Variants in IYD observed in about 807,000 individuals in gnomAD.
IYD encodes iodotyrosine deiodinase 1.
IYD carries 25 observed loss-of-function variants against 28.4 expected under a neutral mutation model. The observed-to-expected ratio is 0.88, with a 90% CI of 0.64 to 1.23. The LOEUF (loss-of-function observed/expected upper bound fraction) is 1.23, where lower values mean the gene tolerates loss of function less well. Ranked by LOEUF, IYD falls within the 50% of genes most tolerant of loss-of-function variation. IYD has a pLI of 0.00. For missense variants in IYD, 352 were observed against 357.9 expected (o/e 0.98, Z 0.13); for synonymous variants, 140 against 130.8 (o/e 1.07, Z -0.48).
chr6:150,377,633 A>T (rs1236357200), intron 1 of IYD, among the ~76,000 whole-genome samples: 3 of 151,982 alleles, frequency 2.0e-5, no homozygotes, highest in Admixed American at 6.6e-5. Context: ...TCTGCCTTGG[A>T]CTCTAGAAGC....
intron 1 of IYD, among the ~76,000 whole-genome samples, chr6:150,378,703 C>T (rs1777540388): frequency 6.6e-6 from 1 of 152,178 alleles, no homozygotes; most frequent in Non-Finnish European, 1.5e-5. Context: ...GGACTGTAAA[C>T]TAGTTCAACC....
At chr6:150,391,203 C>T (rs1022978601) in intron 2 of IYD, among the ~76,000 whole-genome samples, 2 of 148,792 alleles carry the variant, frequency 1.3e-5, no homozygotes, top group Non-Finnish European at 3.0e-5. Context: ...TGACACTGCA[C>T]TCCAGCCTGG....
rs78314112 is a variant in IYD, at chr6:150,388,634, T to G, written c.179-718T>G. On this transcript the variant is annotated intron_variant, in intron 1 of 4. Coordinates refer to ENST00000344419, the MANE Select transcript of IYD (RefSeq NM_203395.3). The stretch of plus-strand genomic sequence containing the variant: ...GATTTATAGTCTGGAGTTTTTGCTT[T>G]CTTTCTTTCTTTCTTTCTTTCTTTC... Among the ~76,000 whole-genome samples, 428 of 43,046 alleles carry G rather than the reference T, an allele frequency of 9.9e-3. 5 individuals carry two copies. The highest frequency in any genetic ancestry group is 0.023 in the African/African-American group (390 of 16,624). 28.2% of individuals were successfully genotyped at this position (43,046 alleles called of 152,430 possible).
intron 1 of IYD, chr6:150,370,619 C>T (rs1049186130): frequency 7.1e-6 from 7 of 985,244 alleles, no homozygotes; most frequent in Admixed American, 1.2e-4. Flanking sequence ...TTCTACCCAG[C>T]GGAGAAGCAC....
In IYD at chr6:150,395,752, G is replaced by T. The variant is rs3823259; in HGVS notation, c.687+1497G>T. On this transcript the variant is annotated intron_variant, in intron 4 of 4. Coordinates refer to ENST00000344419, the MANE Select transcript of IYD (RefSeq NM_203395.3). ...GCGCCATGCATGTCTTGTAGAGGCAGCTTCCAGAACTTCCTGGTCAGGTTT... is the reference window on the plus strand; with the variant it reads ...GCGCCATGCATGTCTTGTAGAGGCATCTTCCAGAACTTCCTGGTCAGGTTT... The T allele has an allele frequency of 0.11, 72,977 of 685,884 alleles. 9,361 individuals carry two copies. The highest frequency in any genetic ancestry group is 0.43 in the African/African-American group (24,245 of 56,716). 42.5% of individuals were successfully genotyped at this position (685,884 alleles called of 1,614,324 possible). A position where few individuals can be genotyped will look rare whatever the true frequency, so the allele number is the denominator to read the frequency against.
intron 1 of IYD, among the ~76,000 whole-genome samples, chr6:150,373,259 A>G (rs1777336117): frequency 6.6e-6 from 1 of 152,250 alleles, no homozygotes; most frequent in Non-Finnish European, 1.5e-5. Context: ...CTTGAGAAAC[A>G]GATTGTTATG....
At chr6:150,393,000 C>T (rs905906725) in intron 3 of IYD, among the ~76,000 whole-genome samples, 3 of 151,904 alleles carry the variant, frequency 2.0e-5, no homozygotes, top group Non-Finnish European at 4.4e-5. Context: ...GGGTCTGCTC[C>T]GGGCGCCGAA....
intron 1 of IYD, among the ~76,000 whole-genome samples, chr6:150,372,329 G>C (rs1358232492): frequency 7.6e-6 from 1 of 132,420 alleles, no homozygotes; most frequent in Non-Finnish European, 1.6e-5. Flanking sequence ...GGGTGGGGTG[G>C]GGGGTGGTGA....
In IYD at chr6:150,404,152, T is replaced by C. The variant is rs571386986; in HGVS notation, c.*5915T>C. The C allele has an allele frequency of 2.6e-5, 4 of 152,334 alleles. No individual in the cohort carries two copies. Among genetic ancestry groups the C allele is most frequent in the African/African-American group, 9.6e-5 (4 of 41,578 alleles). The allele number at this position is 152,334 out of a possible 1,614,324, so 9.4% of individuals were successfully genotyped here. A position where few individuals can be genotyped will look rare whatever the true frequency, so the allele number is the denominator to read the frequency against. ...TGAGTTGTCCACCATATTGTGGGCATGAGTCCTTGACAATAGTAAATAGCA... is the reference window on the plus strand; with the variant it reads ...TGAGTTGTCCACCATATTGTGGGCACGAGTCCTTGACAATAGTAAATAGCA... On this transcript the variant is annotated 3_prime_UTR_variant, in exon 5 of 5. Transcript: ENST00000344419.
intron 1 of IYD, among the ~76,000 whole-genome samples, chr6:150,388,679 C>T (rs1209772664): frequency 1.6e-5 from 2 of 123,112 alleles, no homozygotes; most frequent in African/African-American, 6.0e-5. Context: ...TTCTTTCTTT[C>T]TTTCTTCTTT....
chr6:150,398,280 T>A lies in IYD; in HGVS notation c.*43T>A. 6.3e-7 allele frequency: 1 copy of A among 1,587,974 alleles called. No individual in the cohort carries two copies. Among genetic ancestry groups the A allele is most frequent in the Non-Finnish European group, 8.6e-7 (1 of 1,157,742 alleles). Reference sequence around the variant, plus strand: ...AGTGGCAGGGAGATGGCGCCCCTGCTTTTCCCTGAGCCTCTCGCCTGCTCC... The same window carrying A: ...AGTGGCAGGGAGATGGCGCCCCTGCATTTCCCTGAGCCTCTCGCCTGCTCC... On this transcript the variant is annotated 3_prime_UTR_variant, in exon 5 of 5. Transcript: ENST00000344419.
In IYD at chr6:150,401,650, C is replaced by T. The variant is rs1778513901; in HGVS notation, c.*3413C>T. ...TCTTATTAACCTTCTTTTATGTGTT[C>T]ATTAAATGCAGTCATGTGACAACTG... On this transcript the variant is annotated 3_prime_UTR_variant, in exon 5 of 5. Coordinates refer to ENST00000344419, the MANE Select transcript of IYD (RefSeq NM_203395.3). The T allele has an allele frequency of 6.6e-6, 1 of 152,136 alleles. No homozygotes were observed. Among genetic ancestry groups the T allele is most frequent in the Non-Finnish European group, 1.5e-5 (1 of 68,040 alleles). 9.4% of individuals were successfully genotyped at this position (152,136 alleles called of 1,614,324 possible).
intron 1 of IYD, among the ~76,000 whole-genome samples, chr6:150,383,808 ACAAAAAC>A (rs1777750123): frequency 1.1e-4 from 16 of 139,318 alleles, no homozygotes; most frequent in African/African-American, 3.5e-4. Context: ...AAAAAAAAAA[ACAAAAAC>A]AAAAACAAAA....
chr6:150,381,505 A>G (rs1378820371), intron 1 of IYD, among the ~76,000 whole-genome samples: 1 of 152,248 alleles, frequency 6.6e-6, no homozygotes, highest in Non-Finnish European at 1.5e-5. Flanking sequence ...TAAAACACAG[A>G]TGAACAGCTT....
intron 1 of IYD, among the ~76,000 whole-genome samples, chr6:150,379,456 G>A (rs1157489936): frequency 1.3e-5 from 2 of 152,114 alleles, no homozygotes; most frequent in Non-Finnish European, 2.9e-5. Flanking sequence ...ATCCCCTTGG[G>A]AATCACTTTG....
At chr6:150,396,324 T>C in intron 4 of IYD, 1 of 450,134 alleles carries the variant, frequency 2.2e-6, no homozygotes, top group South Asian at 4.9e-5. Context: ...TTTGGGGGTC[T>C]GAGGATTCCA....
chr6:150,389,679 A>C, intron 2 of IYD, 136 bp downstream of exon 2: 1 of 786,600 alleles, frequency 1.3e-6, no homozygotes. Context: ...TCTTACCCAA[A>C]TGCTGAGTGA....
chr6:150,388,102 G>A (rs1443005964), intron 1 of IYD, among the ~76,000 whole-genome samples: 1 of 152,054 alleles, frequency 6.6e-6, no homozygotes, highest in Non-Finnish European at 1.5e-5. Flanking sequence ...TTGTATATTG[G>A]CATTTTCTTC....
intron 1 of IYD, among the ~76,000 whole-genome samples, chr6:150,388,627 TTTGCTTTCTTTCTTTCTTTCTTTC>T (rs1562317542): frequency 7.8e-6 from 1 of 129,002 alleles, no homozygotes; most frequent in Non-Finnish European, 1.6e-5. Flanking sequence ...GTCTGGAGTT[TTTGCTTTCTTTCTTTCTTTCTTTC>T]TTTCTTTCTT....
Sources: gnomAD v4.1 joint callset for allele counts (sites outside exome capture counted in the v4.1 genomes callset) on GRCh38, gnomAD v4.1.1 for gene constraint, MANE v1.5 for transcripts, NCBI Gene and HGNC (gene_info 2026-07-23, HGNC 2026-07-21) for gene names.